Variants in CCDC148 observed in about 807,000 individuals in gnomAD.
The protein encoded by CCDC148 is coiled-coil domain containing 148.
Under a neutral mutation model 85.7 loss-of-function variants are expected in CCDC148, and 89 were observed. The observed-to-expected ratio is 1.04, with a 90% CI of 0.87 to 1.24. The LOEUF (loss-of-function observed/expected upper bound fraction) is 1.24, where lower values mean the gene tolerates loss of function less well. Ranked by LOEUF, CCDC148 falls within the 50% of genes most tolerant of loss-of-function variation. CCDC148 has a pLI of 0.00. For synonymous variants in CCDC148, 230 were observed against 213.9 expected, an observed-to-expected ratio of 1.08 and a Z score of -0.66; for missense variants, 692 against 671.7, an observed-to-expected ratio of 1.03 and a Z score of -0.33.
At chr2:158,190,851 A>C (rs536799507) in intron 11 of CCDC148, among the ~76,000 whole-genome samples, 3 of 152,114 alleles carry the variant, frequency 2.0e-5, no homozygotes, top group African/African-American at 7.2e-5. Flanking sequence ...GGTTTTTTTC[A>C]GCTGAAAAAT....
intron 9 of CCDC148, among the ~76,000 whole-genome samples, chr2:158,281,961 G>A (rs886829393): frequency 1.3e-5 from 2 of 151,934 alleles, no homozygotes; most frequent in African/African-American, 4.8e-5. Flanking sequence ...TGGGATGCAA[G>A]GCTGGTTCAA....
chr2:158,344,975 A>G (rs1310677465), intron 3 of CCDC148, among the ~76,000 whole-genome samples: 1 of 152,132 alleles, frequency 6.6e-6, no homozygotes, highest in Non-Finnish European at 1.5e-5. Context: ...TGTGGAAGTG[A>G]TTGACACATA....
chr2:158,313,716 C>A (rs1418337755), intron 8 of CCDC148, 40 bp downstream of exon 8: 1 of 1,565,868 alleles, frequency 6.4e-7, no homozygotes, highest in Non-Finnish European at 8.7e-7. Flanking sequence ...ACTACTAAAA[C>A]AATTTAACTT....
At chr2:158,402,930 A>C (rs1685847339) in intron 1 of CCDC148, among the ~76,000 whole-genome samples, 1 of 152,082 alleles carries the variant, frequency 6.6e-6, no homozygotes. Flanking sequence ...CATGTCTCTA[A>C]GGCTCCCAGT....
intron 10 of CCDC148, among the ~76,000 whole-genome samples, chr2:158,226,014 G>A (rs1009443617): frequency 2.0e-5 from 3 of 152,148 alleles, no homozygotes; most frequent in African/African-American, 7.2e-5. Flanking sequence ...ATGAATCTAG[G>A]AACTGGTTTT....
intron 10 of CCDC148, among the ~76,000 whole-genome samples, chr2:158,235,084 T>A (rs895540875): frequency 6.6e-6 from 1 of 152,116 alleles, no homozygotes; most frequent in African/African-American, 2.4e-5. Flanking sequence ...TGAAACAAGT[T>A]TACCTACGTA....
At chr2:158,446,794 T>C (rs1688175184) in intron 1 of CCDC148, among the ~76,000 whole-genome samples, 2 of 152,186 alleles carry the variant, frequency 1.3e-5, no homozygotes, top group African/African-American at 4.8e-5. Context: ...CAGTCTAAGG[T>C]AATCACTGAT....
intron 9 of CCDC148, among the ~76,000 whole-genome samples, chr2:158,290,185 G>A (rs1378628589): frequency 6.6e-6 from 1 of 152,168 alleles, no homozygotes; most frequent in Non-Finnish European, 1.5e-5. Flanking sequence ...GGTGGCTGAG[G>A]AGGGCACAAG....
At chr2:158,430,209 C>A (rs1368164129) in intron 1 of CCDC148, among the ~76,000 whole-genome samples, 1 of 152,128 alleles carries the variant, frequency 6.6e-6, no homozygotes, top group East Asian at 1.9e-4. Context: ...TCACCCCAAT[C>A]ATTCACAGTA....
intron 9 of CCDC148, among the ~76,000 whole-genome samples, chr2:158,272,134 G>A (rs927303748): frequency 3.9e-5 from 6 of 152,136 alleles, no homozygotes; most frequent in African/African-American, 1.4e-4. Flanking sequence ...CATGAAAATT[G>A]TCTAACAAGC....
intron 3 of CCDC148, among the ~76,000 whole-genome samples, chr2:158,343,618 T>C (rs923662363): frequency 1.3e-5 from 2 of 152,234 alleles, no homozygotes; most frequent in African/African-American, 4.8e-5. Flanking sequence ...TTGTCTTTTA[T>C]GGTAAGGCAT....
chr2:158,199,510 G>A (rs1215058549), intron 11 of CCDC148, among the ~76,000 whole-genome samples: 1 of 152,168 alleles, frequency 6.6e-6, no homozygotes, highest in Non-Finnish European at 1.5e-5. Flanking sequence ...CTCCCAAAGT[G>A]CTGGGATTAC....
intron 1 of CCDC148, among the ~76,000 whole-genome samples, chr2:158,438,244 C>A (rs1687759148): frequency 6.6e-6 from 1 of 152,092 alleles, no homozygotes; most frequent in South Asian, 2.1e-4. Flanking sequence ...GCCTCAGTAA[C>A]CAAAATAGCA....
At chr2:158,237,699 A>T (rs578038800) in intron 10 of CCDC148, among the ~76,000 whole-genome samples, 65 of 152,346 alleles carry the variant, frequency 4.3e-4, no homozygotes, top group Non-Finnish European at 2.1e-4. Flanking sequence ...AGAAAAGTCC[A>T]GGCCAAAGGT....
intron 11 of CCDC148, among the ~76,000 whole-genome samples, chr2:158,217,259 C>A (rs912226475): frequency 6.8e-6 from 1 of 146,998 alleles, no homozygotes; most frequent in Non-Finnish European, 1.5e-5. Flanking sequence ...ACCATTTTGA[C>A]CTACAAAAAT....
intron 11 of CCDC148, among the ~76,000 whole-genome samples, chr2:158,196,203 A>G (rs1685660630): frequency 6.6e-6 from 1 of 152,122 alleles, no homozygotes; most frequent in Non-Finnish European, 1.5e-5. Flanking sequence ...CAAATACTAA[A>G]AACTCACCAC....
chr2:158,451,713 TA>T (rs144603968), intron 1 of CCDC148, among the ~76,000 whole-genome samples: 6,997 of 151,874 alleles, frequency 0.046, 241 homozygotes, highest in Non-Finnish European at 0.062. Context: ...GACACCGCAC[TA>T]AAAAAAATTC....
At chr2:158,227,256 CA>C (rs1469019260) in intron 10 of CCDC148, among the ~76,000 whole-genome samples, 4 of 147,740 alleles carry the variant, frequency 2.7e-5, no homozygotes, top group Non-Finnish European at 6.0e-5. Context: ...CAAGGGACGT[CA>C]AGGACCTCTT....
chr2:158,286,650 A>T (rs1690638495), intron 9 of CCDC148, among the ~76,000 whole-genome samples: 1 of 152,212 alleles, frequency 6.6e-6, no homozygotes, highest in South Asian at 2.1e-4. Context: ...CCATGGACAT[A>T]GACAAATAAA....
Sources: allele counts gnomAD v4.1 joint callset (sites outside exome capture counted in the v4.1 genomes callset), GRCh38; gene constraint gnomAD v4.1.1; transcripts MANE v1.5; gene names NCBI Gene and HGNC (gene_info 2026-07-23, HGNC 2026-07-21).